The following FKTN variants were observed in gnomAD, a reference collection of about 807,000 sequenced individuals.
FKTN encodes the protein ribitol-5-phosphate transferase FKTN.
Under a neutral mutation model 58.6 loss-of-function variants are expected in FKTN, and 47 were observed. That is an observed-to-expected ratio of 0.80 (90% CI 0.63 to 1.02). The LOEUF (loss-of-function observed/expected upper bound fraction) is 1.02, where lower values mean the gene tolerates loss of function less well. Ranked by LOEUF, FKTN falls within the 50% of genes least tolerant of loss-of-function variation. The probability of loss-of-function intolerance (pLI) is 0.00; values close to 1 mark genes in which losing one functional copy is unlikely to be tolerated. For missense variants in FKTN, 516 were observed against 537.3 expected (o/e 0.96, Z 0.39); for synonymous variants, 178 against 191.9 (o/e 0.93, Z 0.60).
At position 105,636,616 on chromosome 9, in the gene FKTN, T is replaced by A; in HGVS notation, c.*1352T>A. On this transcript the variant is annotated 3_prime_UTR_variant, in exon 11 of 11. Transcript: ENST00000357998. Reference sequence around the variant, plus strand: ...TATCACTTGAATGATATATTGTAAGTGAGAGGTAAAGGAAAATGTAGGCAC... The same window carrying A: ...TATCACTTGAATGATATATTGTAAGAGAGAGGTAAAGGAAAATGTAGGCAC... 1 of 1,193,662 alleles carries A rather than the reference T, an allele frequency of 8.4e-7. No individual in the cohort carries two copies. Among genetic ancestry groups the A allele is most frequent in the South Asian group, 1.6e-5 (1 of 62,500 alleles). 73.9% of individuals were successfully genotyped at this position (1,193,662 alleles called of 1,614,324 possible).
rs1175697045 is a variant in FKTN, at chr9:105,639,508, G to T, written c.*4244G>T. 4 of 848,424 alleles carry T rather than the reference G, an allele frequency of 4.7e-6. No individual in the cohort carries two copies. Among genetic ancestry groups the T allele is most frequent in the African/African-American group, 1.8e-5 (1 of 54,532 alleles). 52.6% of individuals were successfully genotyped at this position (848,424 alleles called of 1,614,324 possible). On this transcript the variant is annotated 3_prime_UTR_variant, in exon 11 of 11. Coordinates refer to ENST00000357998, the MANE Select transcript of FKTN (RefSeq NM_001079802.2). ...ATACAGTTCTTAGCCTCAGGCCTAG[G>T]ATTAAGTAAGTACTCAAGAAATGTG...
intron 1 of FKTN, among the ~76,000 whole-genome samples, chr9:105,561,083 T>A (rs1237580940): frequency 1.3e-5 from 2 of 149,118 alleles, no homozygotes; most frequent in Non-Finnish European, 3.0e-5. Context: ...AGAATCCGTC[T>A]CAAAAAACAA....
intron 7 of FKTN, among the ~76,000 whole-genome samples, chr9:105,611,241 G>GA (rs1472969753): frequency 2.0e-5 from 3 of 151,990 alleles, no homozygotes; most frequent in Non-Finnish European, 4.4e-5. Flanking sequence ...GGCTGAACAG[G>GA]AAAAATTAAA....
chr9:105,605,632 C>T (rs1222077438), intron 6 of FKTN, among the ~76,000 whole-genome samples: 1 of 151,984 alleles, frequency 6.6e-6, no homozygotes, highest in Non-Finnish European at 1.5e-5. Flanking sequence ...TGAAATAAGC[C>T]AGGCACAGAA....
intron 3 of FKTN, among the ~76,000 whole-genome samples, chr9:105,592,253 A>G (rs1845028596): frequency 6.6e-6 from 1 of 152,154 alleles, no homozygotes; most frequent in South Asian, 2.1e-4. Flanking sequence ...CCTATTAAAT[A>G]TGTTCCAATT....
intron 4 of FKTN, 119 bp downstream of exon 4, chr9:105,596,776 G>T: frequency 1.3e-6 from 1 of 794,232 alleles, no homozygotes. Context: ...GTGGGTGGCC[G>T]GTTGGTAGTG....
chr9:105,579,424 C>T (rs1842423843), intron 3 of FKTN, among the ~76,000 whole-genome samples: 1 of 151,724 alleles, frequency 6.6e-6, no homozygotes, highest in Admixed American at 6.6e-5. Context: ...TCGTTATGTA[C>T]CCAGTAGTCA....
intron 3 of FKTN, among the ~76,000 whole-genome samples, chr9:105,591,004 G>C (rs1395377090): frequency 6.6e-6 from 1 of 152,048 alleles, no homozygotes; most frequent in Non-Finnish European, 1.5e-5. Context: ...CCAGATCTTA[G>C]GGGAACTCAC....
rs184825861 is a variant in FKTN at position 105,591,586 on chromosome 9, C to G, written c.106-5012C>G. On this transcript the variant is annotated intron_variant, in intron 3 of 10. Transcript: ENST00000357998. ...CCCTGTGGCTTTGCAGGGTTCAGCCCCCACAACTGCTCTCATGGGCTGACA... is the reference window on the plus strand; with the variant it reads ...CCCTGTGGCTTTGCAGGGTTCAGCCGCCACAACTGCTCTCATGGGCTGACA... Among the ~76,000 whole-genome samples, 75 of 152,278 alleles carry G rather than the reference C, an allele frequency of 4.9e-4. 1 individual carries two copies. The East Asian group carries it at 0.012, about 25-fold the overall frequency.
chr9:105,614,483 A>G (rs1445536176), intron 7 of FKTN, among the ~76,000 whole-genome samples: 2 of 152,212 alleles, frequency 1.3e-5, no homozygotes, highest in East Asian at 1.9e-4. Context: ...TGATATGTAC[A>G]TGGTCAAAGC....
rs182925018 is a variant in FKTN at position 105,603,462 on chromosome 9, T to C, written c.370-753T>C. Among the ~76,000 whole-genome samples, 181 of 152,344 alleles carry C rather than the reference T, an allele frequency of 1.2e-3. 1 individual carries two copies. The highest frequency in any genetic ancestry group is 8.7e-3 in the Admixed American group (133 of 15,306). On this transcript the variant is annotated intron_variant, in intron 5 of 10. Coordinates refer to ENST00000357998, the MANE Select transcript of FKTN (RefSeq NM_001079802.2). ...ATGGTGTTCTATTATGGTAGTATTT[T>C]AAGATGTTGGGATGTAAACTATGAG...
intron 9 of FKTN, 77 bp from the exon 10 acceptor site, chr9:105,619,857 T>C: frequency 7.6e-7 from 1 of 1,310,216 alleles, no homozygotes; most frequent in Non-Finnish European, 1.1e-6. Context: ...GTTTCTTTAT[T>C]TTTATTTTTT....
At chr9:105,563,049 A>G (rs530481962) in intron 1 of FKTN, among the ~76,000 whole-genome samples, 1 of 152,290 alleles carries the variant, frequency 6.6e-6, no homozygotes, top group East Asian at 1.9e-4. Flanking sequence ...GGTGATTCTC[A>G]AAAGAGTGGG....
chr9:105,605,747 A>G (rs926345526), intron 6 of FKTN, among the ~76,000 whole-genome samples: 1 of 152,150 alleles, frequency 6.6e-6, no homozygotes, highest in African/African-American at 2.4e-5. Flanking sequence ...GCTAGGAAGC[A>G]TAGTGGGAGA....
At chr9:105,629,769 A>G (rs1208815361) in intron 10 of FKTN, among the ~76,000 whole-genome samples, 1 of 152,194 alleles carries the variant, frequency 6.6e-6, no homozygotes. Flanking sequence ...CACTATTCAC[A>G]ATAGCAAAGA....
At chr9:105,582,303 G>T (rs959005711) in intron 3 of FKTN, among the ~76,000 whole-genome samples, 10 of 152,094 alleles carry the variant, frequency 6.6e-5, no homozygotes, top group Non-Finnish European at 1.5e-4. Context: ...CAGTACTCCT[G>T]CCTCAATCTC....
chr9:105,607,633 A>C (rs1440794400), intron 6 of FKTN, among the ~76,000 whole-genome samples, 186 bp from the exon 7 acceptor site: 1 of 152,038 alleles, frequency 6.6e-6, no homozygotes, highest in East Asian at 1.9e-4. Context: ...TTTTACTTTA[A>C]GTAGTGGGAC....
intron 5 of FKTN, 152 bp from the exon 6 acceptor site, chr9:105,604,063 C>A (rs989489634): frequency 1.3e-6 from 1 of 745,866 alleles, no homozygotes; most frequent in African/African-American, 1.7e-5. Context: ...GCCCATCACC[C>A]TCATTAAAAA....
chr9:105,611,426 G>T (rs1240505251), intron 7 of FKTN, among the ~76,000 whole-genome samples: 1 of 152,048 alleles, frequency 6.6e-6, no homozygotes, highest in African/African-American at 2.4e-5. Context: ...TGTTGTGGGG[G>T]TTTGTTGTAC....
Sources: gnomAD v4.1 joint callset for allele counts (sites outside exome capture counted in the v4.1 genomes callset) on GRCh38, gnomAD v4.1.1 for gene constraint, MANE v1.5 for transcripts, NCBI Gene and HGNC (gene_info 2026-07-23, HGNC 2026-07-21) for gene names.